The following CUX1 variants were observed in gnomAD, a reference collection of about 807,000 sequenced individuals.
CUX1 encodes cut like homeobox 1.
Under a neutral mutation model 158.8 loss-of-function variants are expected in CUX1, and 31 were observed. That is an observed-to-expected ratio of 0.20 (90% CI 0.15 to 0.26). The LOEUF is 0.26. Ranked by LOEUF, CUX1 falls within the 10% of genes least tolerant of loss-of-function variation. CUX1 has a pLI of 1.00. For synonymous variants in CUX1, 879 were observed against 862.1 expected, an observed-to-expected ratio of 1.02 and a Z score of -0.34; for missense variants, 1,589 against 2,014.6, an observed-to-expected ratio of 0.79 and a Z score of 4.04.
chr7:101,839,729 A>G (rs1435996463), intron 1 of CUX1, among the ~76,000 whole-genome samples: 1 of 151,012 alleles, frequency 6.6e-6, no homozygotes, highest in Non-Finnish European at 1.5e-5. Context: ...AGCTCCTTGT[A>G]TGTTTCACAT....
At chr7:101,878,256 T>A (rs561020813) in intron 1 of CUX1, among the ~76,000 whole-genome samples, 1 of 152,324 alleles carries the variant, frequency 6.6e-6, no homozygotes, top group East Asian at 1.9e-4. Flanking sequence ...CCCCTCCCCT[T>A]GGTTATTTTA....
downstream of CUX1, among the ~76,000 whole-genome samples, chr7:102,260,096 TGG>T (rs57395527): frequency 0.87 from 127,975 of 146,370 alleles, 56,390 homozygotes; most frequent in East Asian, 0.97. Flanking sequence ...CCCTAAATCT[TGG>T]GGGGAAAAAA....
intron 2 of CUX1, among the ~76,000 whole-genome samples, chr7:101,969,359 C>CAAAAAAAA (rs10711703): frequency 5.3e-5 from 3 of 56,104 alleles, no homozygotes; most frequent in Non-Finnish European, 6.4e-5. Context: ...CAAAAAACAG[C>CAAAAAAAA]AAAAAAAAAA....
At chr7:102,158,082 C>G (rs1789981625) in intron 8 of CUX1, among the ~76,000 whole-genome samples, 1 of 152,088 alleles carries the variant, frequency 6.6e-6, no homozygotes, top group African/African-American at 2.4e-5. Context: ...TGCCAAGTGC[C>G]TTTTCCTAAA....
chr7:102,253,976 A>AC lies in CUX1; in HGVS notation c.*4938dup. On this transcript the variant is annotated 3_prime_UTR_variant, in exon 24 of 24. Coordinates refer to ENST00000292535, the MANE Select transcript of CUX1 (RefSeq NM_181552.4). The stretch of plus-strand genomic sequence containing the variant: ...TCCATCTGATGTCACCCAGAACCAC[A>AC]CCCCACAGAACTGTGAGGCACGTGG... 1 of 985,372 alleles carries AC rather than the reference A, an allele frequency of 1.0e-6. No individual in the cohort carries two copies. The highest frequency in any genetic ancestry group is 1.2e-6 in the Non-Finnish European group (1 of 829,948). The allele number at this position is 985,372 out of a possible 1,614,324, so 61.0% of individuals were successfully genotyped here.
At position 102,202,045 on chromosome 7, in the gene CUX1, C is replaced by T. The variant is rs201472948; in HGVS notation, c.2748C>T (p.Ile916=). 8.7e-6 allele frequency: 14 copies of T among 1,614,128 alleles called. No individual in the cohort carries two copies. Among genetic ancestry groups the T allele is most frequent in the African/African-American group, 2.7e-5 (2 of 75,026 alleles). ...PQNSPLPSSP[I]VPMSKPTKPS... ...ACAGCCCCCTGCCATCCTCCCCGAT[C>T]GTGCCCATGTCCAAGCCCACCAAGC... Residue 916 remains isoleucine, a synonymous_variant, in exon 18 of 24, where the codon ATC becomes ATT. Transcript: ENST00000292535.
intron 22 of CUX1, 63 bp from the exon 23 acceptor site, chr7:102,239,257 C>G (rs1420545024): frequency 6.5e-7 from 1 of 1,538,504 alleles, no homozygotes; most frequent in South Asian, 1.2e-5. Context: ...GCTAGCGGGA[C>G]TGGGGATTTG....
chr7:102,007,008 C>T (rs925360515), intron 2 of CUX1, among the ~76,000 whole-genome samples: 6 of 152,200 alleles, frequency 3.9e-5, no homozygotes, highest in Admixed American at 6.5e-5. Flanking sequence ...TGGCTCTGCA[C>T]GAGCTGCCTT....
chr7:102,012,898 A>G (rs1347293434), intron 2 of CUX1, among the ~76,000 whole-genome samples: 1 of 152,218 alleles, frequency 6.6e-6, no homozygotes, highest in African/African-American at 2.4e-5. Context: ...TTTAAGGAAT[A>G]TATCAAAAGC....
At chr7:101,940,423 C>A (rs940887170) in intron 2 of CUX1, among the ~76,000 whole-genome samples, 1 of 151,836 alleles carries the variant, frequency 6.6e-6, no homozygotes, top group Non-Finnish European at 1.5e-5. Context: ...GTGGTGCCTG[C>A]GGGCGCGCAC....
At chr7:102,167,400 T>C (rs6974842) in intron 9 of CUX1, among the ~76,000 whole-genome samples, 7,787 of 152,312 alleles carry the variant, frequency 0.051, 689 homozygotes, top group African/African-American at 0.18. Flanking sequence ...AACGGCTAAA[T>C]GCCTGCTTGA....
At chr7:101,983,488 G>A (rs439124) in intron 2 of CUX1, among the ~76,000 whole-genome samples, 50,364 of 152,052 alleles carry the variant, frequency 0.33, 9,241 homozygotes, top group East Asian at 0.61. Flanking sequence ...ACAATTATGT[G>A]TGAGTCTGTT....
At chr7:102,032,777 G>A (rs1440471665) in intron 3 of CUX1, among the ~76,000 whole-genome samples, 5 of 152,044 alleles carry the variant, frequency 3.3e-5, no homozygotes, top group Non-Finnish European at 7.4e-5. Context: ...ATTAGATATC[G>A]ATTGATTGAT....
chr7:102,243,494 A>G (rs977588890), intron 23 of CUX1, among the ~76,000 whole-genome samples: 10 of 151,974 alleles, frequency 6.6e-5, no homozygotes, highest in South Asian at 6.2e-4. Context: ...ATAAGCAACG[A>G]AACAGGTGGA....
At chr7:102,020,145 T>C (rs187558313) in intron 2 of CUX1, among the ~76,000 whole-genome samples, 2 of 152,374 alleles carry the variant, frequency 1.3e-5, no homozygotes, top group East Asian at 1.9e-4. Flanking sequence ...TGCCAGGACA[T>C]ACTTACTGTC....
intron 8 of CUX1, among the ~76,000 whole-genome samples, chr7:102,121,920 CG>C: frequency 6.6e-6 from 1 of 152,072 alleles, no homozygotes; most frequent in African/African-American, 2.4e-5. Flanking sequence ...TGAAGGCAGG[CG>C]TTCCTGGGGG....
At chr7:102,132,495 C>T (rs1483101918) in intron 8 of CUX1, among the ~76,000 whole-genome samples, 2 of 151,806 alleles carry the variant, frequency 1.3e-5, no homozygotes, top group Non-Finnish European at 2.9e-5. Context: ...CAGCCCCCTT[C>T]TGCTTTCTTC....
intron 17 of CUX1, chr7:102,277,941 C>T: frequency 6.8e-7 from 1 of 1,478,582 alleles, no homozygotes; most frequent in East Asian, 2.5e-5. Context: ...TTGCCCCTCC[C>T]CCCCCAGGAG....
At position 102,248,346 on chromosome 7, in the gene CUX1, G is replaced by A. The variant is rs549165175; in HGVS notation, c.3888-66G>A. On this transcript the variant is annotated intron_variant, in intron 23 of 23. Transcript: ENST00000292535. The surrounding 1 kb of genome is among the most constrained non-coding windows in gnomAD (Gnocchi z 5.8). ...GCCCCAGAGAGAGGGGTCTGGCTGG[G>A]GTAGCACCAGAGGCCCTTTCCCCAG... is the stretch of plus-strand genomic sequence containing the variant. The A allele has an allele frequency of 4.6e-5, 66 of 1,432,070 alleles. No homozygotes were observed. In the African/African-American group the frequency reaches 9.2e-4, roughly 20 times the overall value. 88.7% of individuals were successfully genotyped at this position (1,432,070 alleles called of 1,614,324 possible). A position where few individuals can be genotyped will look rare whatever the true frequency, so the allele number is the denominator to read the frequency against.
Sources: allele counts gnomAD v4.1 joint callset (sites outside exome capture counted in the v4.1 genomes callset), GRCh38; gene constraint gnomAD v4.1.1; non-coding constraint Gnocchi (gnomAD v3.1); transcripts MANE v1.5; gene names NCBI Gene and HGNC (gene_info 2026-07-23, HGNC 2026-07-21).